The following NUP205 variants were observed in gnomAD, a reference collection of about 807,000 sequenced individuals.
NUP205 encodes the protein nucleoporin 205, also known as nuclear pore complex protein Nup205.
In NUP205, 76 loss-of-function variants were observed where a neutral mutation model predicts 253.8. The observed-to-expected ratio is 0.30, with a 90% CI of 0.25 to 0.36. The LOEUF is 0.36. NUP205 is among the 10% of genes least tolerant of loss of function. The probability of loss-of-function intolerance (pLI) is 1.00; values close to 1 mark genes in which losing one functional copy is unlikely to be tolerated. For missense variants in NUP205, 2,162 were observed against 2,425.5 expected, an observed-to-expected ratio of 0.89 and a Z score of 2.28; for synonymous variants, 832 against 850.1, an observed-to-expected ratio of 0.98 and a Z score of 0.37.
intron 22 of NUP205, among the ~76,000 whole-genome samples, chr7:135,609,668 A>G (rs990578054): frequency 3.6e-4 from 54 of 152,006 alleles, no homozygotes; most frequent in African/African-American, 1.2e-3. Flanking sequence ...AAAGAAATGC[A>G]TCACTAACCT....
chr7:135,604,420 A>G lies in NUP205; in HGVS notation c.2783A>G (p.Asn928Ser), dbSNP rs1584667167. The G allele has an allele frequency of 1.9e-6, 3 of 1,610,966 alleles. No individual in the cohort carries two copies. Among genetic ancestry groups the G allele is most frequent in the Non-Finnish European group, 2.5e-6 (3 of 1,179,016 alleles). ...KILCCISCNS[N>S]IQIKLVGDFT... ...CTCTGTTGTATCTCTTGCAACTCTAATATTCAGATAAAGTTGGTTGGAGAT... is the reference window on the plus strand; with the variant it reads ...CTCTGTTGTATCTCTTGCAACTCTAGTATTCAGATAAAGTTGGTTGGAGAT... The change falls in exon 19 of 43, where the codon AAT becomes AGT. Residue 928 changes from asparagine to serine, a missense_variant. Asn to Ser is a conservative substitution (Grantham distance 46, BLOSUM62 1). Around this residue, in one of 5 missense-constraint regions of NUP205, gnomAD observed 892 missense variants for 957.1 expected, o/e 0.93. Transcript: ENST00000285968.
chr7:135,611,179 T>G (rs865850979), intron 22 of NUP205, among the ~76,000 whole-genome samples: 8 of 152,104 alleles, frequency 5.3e-5, no homozygotes, highest in Middle Eastern at 3.4e-3. Context: ...CTGGATAATT[T>G]TTGTATTTTT....
At chr7:135,569,809 C>T (rs992776266) in intron 1 of NUP205, among the ~76,000 whole-genome samples, 1 of 151,752 alleles carries the variant, frequency 6.6e-6, no homozygotes, top group African/African-American at 2.4e-5. Context: ...TTTATAATAG[C>T]CAGTGTCTCA....
chr7:135,607,495 C>G, intron 22 of NUP205, 124 bp downstream of exon 22: 1 of 1,059,936 alleles, frequency 9.4e-7, no homozygotes, highest in Non-Finnish European at 1.3e-6. Context: ...AGCAATTTGA[C>G]CTGTCTTTCA....
Position 135,617,190 on chromosome 7 carries a change from A to G in NUP205, c.3633A>G (p.Gln1211=). The stretch of plus-strand genomic sequence containing the variant: ...TTTTTGATCGGGCCCAGATTGAACA[A>G]GTTATTGCTAACTGTGAACACAAGA... ...LDFFDRAQIE[Q]VIANCEHKNL... Residue 1211 remains glutamine, a synonymous_variant, in exon 26 of 43, where the codon CAA becomes CAG. Coordinates refer to ENST00000285968, the MANE Select transcript of NUP205 (RefSeq NM_015135.3). 1 of 1,613,982 alleles carries G rather than the reference A, an allele frequency of 6.2e-7. No individual in the cohort carries two copies. Among genetic ancestry groups the G allele is most frequent in the South Asian group, 1.1e-5 (1 of 91,074 alleles).
At chr7:135,586,102 T>C (rs1584652191) in intron 8 of NUP205, among the ~76,000 whole-genome samples, 1 of 150,652 alleles carries the variant, frequency 6.6e-6, no homozygotes, top group Non-Finnish European at 1.5e-5. Flanking sequence ...TTTGTGTTTA[T>C]ATTATAAAAC....
chr7:135,576,296 G>T lies in NUP205; in HGVS notation c.370G>T (p.Gly124Cys). The T allele has an allele frequency of 1.2e-6, 2 of 1,613,384 alleles. No individual in the cohort carries two copies. Among genetic ancestry groups the T allele is most frequent in the South Asian group, 1.1e-5 (1 of 90,974 alleles). Residue 124 changes from glycine (G) to cysteine (C), a missense_variant, in exon 4 of 43, where the codon GGC (glycine) becomes TGC (cysteine). Coordinates refer to ENST00000285968, the MANE Select transcript of NUP205 (RefSeq NM_015135.3). ...AGEHQQPHFP[G>C]LTRGLVAVLL... ...AGAGCATCAACAGCCACATTTTCCT[G>T]GCCTTACCAGAGGATTAGTAGCTGT...
chr7:135,648,066 G>A (rs1795045804), intron 42 of NUP205, among the ~76,000 whole-genome samples: 2 of 127,976 alleles, frequency 1.6e-5, no homozygotes, highest in South Asian at 2.9e-4. Context: ...TCCCTCCCCC[G>A]CCAGTCTTAC....
intron 22 of NUP205, among the ~76,000 whole-genome samples, chr7:135,609,510 T>C (rs542588385): frequency 7.3e-5 from 11 of 151,088 alleles, no homozygotes; most frequent in African/African-American, 9.7e-5. Context: ...TATCCGGGCA[T>C]GGTGGTGTGT....
chr7:135,617,020 A>G (rs1057129820), intron 25 of NUP205, 70 bp from the exon 26 acceptor site: 2 of 1,170,928 alleles, frequency 1.7e-6, no homozygotes, highest in African/African-American at 3.1e-5. Context: ...TTGAAAATCA[A>G]CTGAATATGA....
chr7:135,598,165 T>G lies in NUP205; in HGVS notation c.2232T>G (p.Phe744Leu). Residue 744 changes from phenylalanine (F) to leucine (L), a missense_variant, in exon 15 of 43, where the codon TTT (phenylalanine) becomes TTG (leucine). Around this residue, in one of 5 missense-constraint regions of NUP205, gnomAD observed 892 missense variants for 957.1 expected, o/e 0.93. Coordinates refer to ENST00000285968, the MANE Select transcript of NUP205 (RefSeq NM_015135.3). ...PYLQFLRDSV[F>L]LRFRTRAYRR... is the part of the protein sequence containing the mutation. ...TGCAGTTCCTTAGAGACTCTGTGTTTCTACGATTCCGTACAAGAGCTTACC... is the reference window on the plus strand; with the variant it reads ...TGCAGTTCCTTAGAGACTCTGTGTTGCTACGATTCCGTACAAGAGCTTACC... 2 of 1,614,160 alleles carry G rather than the reference T, an allele frequency of 1.2e-6. No individual in the cohort carries two copies. The highest frequency in any genetic ancestry group is 1.7e-6 in the Non-Finnish European group (2 of 1,180,006).
intron 13 of NUP205, among the ~76,000 whole-genome samples, chr7:135,595,663 A>G (rs769641337): frequency 6.6e-6 from 1 of 152,128 alleles, no homozygotes; most frequent in Non-Finnish European, 1.5e-5. Context: ...GAGGGAATGT[A>G]CCTTTGCTGA....
chr7:135,577,044 G>A lies in NUP205; in HGVS notation c.564G>A (p.Thr188=), dbSNP rs369098311. The A allele has an allele frequency of 1.3e-5, 21 of 1,613,850 alleles. No individual in the cohort carries two copies. The highest frequency in any genetic ancestry group is 2.7e-5 in the African/African-American group (2 of 74,904). The part of the protein sequence containing the change: ...MEQGLTYKVL[T]LVSQIDVNNE... ...AAGGATTGACTTATAAAGTTCTTAC[G>A]CTGGTGTCACAGATTGATGTGAATA... Residue 188 remains threonine (T), a synonymous_variant, in exon 5 of 43, where the codon ACG becomes ACA. Transcript: ENST00000285968.
At chr7:135,579,193 A>G (rs1057457751) in intron 7 of NUP205, among the ~76,000 whole-genome samples, 1 of 144,070 alleles carries the variant, frequency 6.9e-6, no homozygotes, top group African/African-American at 2.6e-5. Context: ...ACAGTGTCAC[A>G]TTAATTTTTT....
chr7:135,597,845 C>A lies in NUP205; in HGVS notation c.2065-153C>A, dbSNP rs961207191. ...CTGACTCATCTGGATTCATATAATA[C>A]TTTTTTATCTTTTCCTCTAAATGAA... is the stretch of plus-strand genomic sequence containing the variant. On this transcript the variant is annotated intron_variant, in intron 14 of 42. Coordinates refer to ENST00000285968, the MANE Select transcript of NUP205 (RefSeq NM_015135.3). 7.7e-6 allele frequency: 5 copies of A among 650,516 alleles called. No homozygotes were observed. The Admixed American group carries it at 1.2e-4, about 15-fold the overall frequency. 40.3% of individuals were successfully genotyped at this position (650,516 alleles called of 1,614,324 possible).
At chr7:135,578,047 C>T in intron 6 of NUP205, 23 bp downstream of exon 6, 1 of 1,530,610 alleles carries the variant, frequency 6.5e-7, no homozygotes. Context: ...ATACATTTTC[C>T]TACATTAAAA....
intron 22 of NUP205, among the ~76,000 whole-genome samples, chr7:135,612,629 A>G (rs1192501070): frequency 6.6e-6 from 1 of 152,210 alleles, no homozygotes; most frequent in Non-Finnish European, 1.5e-5. Context: ...GCATTGCTCC[A>G]TTAGAGAGCA....
chr7:135,594,436 T>C, intron 12 of NUP205, 111 bp from the exon 13 acceptor site: 1 of 669,894 alleles, frequency 1.5e-6, no homozygotes. Context: ...TGTTTTAGTA[T>C]ATATTAAGCC....
At chr7:135,613,013 G>T (rs1794276184) in intron 22 of NUP205, among the ~76,000 whole-genome samples, 1 of 152,068 alleles carries the variant, frequency 6.6e-6, no homozygotes, top group South Asian at 2.1e-4. Flanking sequence ...TTTAGCCCAG[G>T]AGGTTGAGGC....
Sources: gnomAD v4.1 joint callset for allele counts (sites outside exome capture counted in the v4.1 genomes callset) on GRCh38, gnomAD v4.1.1 for gene constraint, gnomAD v4.1.1 regional missense constraint, MANE v1.5 for transcripts, NCBI Gene and HGNC (gene_info 2026-07-23, HGNC 2026-07-21) for gene names.